The following EPC1 variants were observed in gnomAD, a reference collection of about 807,000 sequenced individuals.
The protein encoded by EPC1 is enhancer of polycomb homolog 1.
A neutral mutation model predicts 98.4 loss-of-function variants in EPC1; 12 were observed. The observed-to-expected ratio is 0.12, with a 90% CI of 0.08 to 0.20. The LOEUF (loss-of-function observed/expected upper bound fraction) is 0.20. Among genes scored for constraint, EPC1 ranks in the 10% least tolerant of loss-of-function variants. The probability of loss-of-function intolerance (pLI) is 1.00; values close to 1 mark genes in which losing one functional copy is unlikely to be tolerated. For synonymous variants in EPC1, 357 were observed against 363.9 expected (o/e 0.98, Z 0.21); for missense variants, 729 against 990.5 (o/e 0.74, Z 3.54).
At chr10:32,317,461 G>A (rs1307378668) in intron 1 of EPC1, among the ~76,000 whole-genome samples, 2 of 151,520 alleles carry the variant, frequency 1.3e-5, no homozygotes, top group African/African-American at 4.8e-5. Flanking sequence ...GACCAACATA[G>A]GGAAACCCTG....
intron 1 of EPC1, among the ~76,000 whole-genome samples, chr10:32,342,488 G>C (rs1433431252): frequency 6.6e-6 from 1 of 152,098 alleles, no homozygotes; most frequent in Non-Finnish European, 1.5e-5. Context: ...CTTAACTTGG[G>C]CTTAGTAACA....
chr10:32,293,551 T>G (rs552904414), intron 3 of EPC1, 41 bp downstream of exon 3: 1 of 1,571,714 alleles, frequency 6.4e-7, no homozygotes, highest in Admixed American at 1.8e-5. Flanking sequence ...GTTCTTTACA[T>G]AGAATATGTA....
intron 10 of EPC1, among the ~76,000 whole-genome samples, chr10:32,276,583 AT>A (rs745958081): frequency 1.3e-5 from 2 of 152,232 alleles, no homozygotes; most frequent in Non-Finnish European, 2.9e-5. Context: ...CTCTTCAGCT[AT>A]GAGATGCTAA....
chr10:32,377,531 C>T (rs1839894423), intron 1 of EPC1: 1 of 152,166 alleles, frequency 6.6e-6, no homozygotes, highest in African/African-American at 2.4e-5. Context: ...ATGCCTGTCC[C>T]TGATGTTCCC....
chr10:32,347,556 G>C (rs1180594929), upstream of EPC1: 13 of 152,118 alleles, frequency 8.5e-5, no homozygotes, highest in East Asian at 2.5e-3. Flanking sequence ...TCGGGCCCCG[G>C]GCACCTGGGG....
chr10:32,289,436 C>G (rs1836875440), intron 6 of EPC1, among the ~76,000 whole-genome samples: 2 of 141,392 alleles, frequency 1.4e-5, no homozygotes, highest in South Asian at 4.7e-4. Flanking sequence ...AAAAAAAGTC[C>G]AGGCTGGGGA....
At chr10:32,295,922 TTC>T (rs1309390066) in intron 2 of EPC1, among the ~76,000 whole-genome samples, 1 of 150,922 alleles carries the variant, frequency 6.6e-6, no homozygotes. Flanking sequence ...GTTCTCAATG[TTC>T]TTTTTTTTTT....
At chr10:32,283,949 A>G (rs1836533856) in intron 10 of EPC1, 1 of 152,184 alleles carries the variant, frequency 6.6e-6, no homozygotes, top group Admixed American at 6.5e-5. Flanking sequence ...TTATGAAGCA[A>G]CTTAACTATA....
chr10:32,343,458 G>A (rs1472680668), intron 1 of EPC1, among the ~76,000 whole-genome samples: 3 of 152,132 alleles, frequency 2.0e-5, no homozygotes, highest in Non-Finnish European at 4.4e-5. Flanking sequence ...TGATCCACCC[G>A]CCTCGGCCTC....
chr10:32,293,479 T>A, intron 3 of EPC1, 113 bp downstream of exon 3: 1 of 1,004,310 alleles, frequency 1.0e-6, no homozygotes, highest in Non-Finnish European at 1.4e-6. Context: ...TCATACTTTT[T>A]AACTCTAAAG....
intron 1 of EPC1, among the ~76,000 whole-genome samples, chr10:32,368,558 G>A (rs560925453): frequency 6.6e-6 from 1 of 152,022 alleles, no homozygotes; most frequent in African/African-American, 2.4e-5. Flanking sequence ...TTTTGTTTTG[G>A]TTTGGTTTTT....
At chr10:32,301,157 T>C (rs1055191020) in intron 2 of EPC1, among the ~76,000 whole-genome samples, 2 of 152,092 alleles carry the variant, frequency 1.3e-5, no homozygotes, top group African/African-American at 4.8e-5. Context: ...TATAAAAATA[T>C]ACACATTGAC....
intron 2 of EPC1, among the ~76,000 whole-genome samples, chr10:32,299,022 C>G (rs1464422398): frequency 6.6e-6 from 1 of 152,172 alleles, no homozygotes; most frequent in Non-Finnish European, 1.5e-5. Flanking sequence ...ACAAGGAACA[C>G]CTGCATACTC....
intron 1 of EPC1, among the ~76,000 whole-genome samples, chr10:32,339,508 G>C (rs932763672): frequency 1.2e-4 from 18 of 151,994 alleles, no homozygotes; most frequent in Non-Finnish European, 2.5e-4. Flanking sequence ...TCATGCCACT[G>C]CACTCCAGCC....
At chr10:32,348,232 T>G (rs1838983691), upstream of EPC1, among the ~76,000 whole-genome samples, 1 of 152,214 alleles carries the variant, frequency 6.6e-6, no homozygotes, top group Non-Finnish European at 1.5e-5. Flanking sequence ...CGGTTTATAT[T>G]ACACATGAAA....
In EPC1 at chr10:32,372,188, A is replaced by AC. The variant is rs1220301019; in HGVS notation, c.3+6302dup. Among the ~76,000 whole-genome samples, 6 of 152,258 alleles carry AC rather than the reference A, an allele frequency of 3.9e-5. No homozygotes were observed. In the East Asian group the frequency reaches 7.7e-4, roughly 20 times the overall value. On this transcript the variant is annotated intron_variant, in intron 1 of 13. Transcript: ENST00000375110. ...TAAGAAATGAAAATTCTCATGCCCC[A>AC]CCACAGGCCAGCTGAACCTGTAACT...
chr10:32,341,329 GTC>G (rs1353957376), intron 1 of EPC1, among the ~76,000 whole-genome samples: 1 of 101,852 alleles, frequency 9.8e-6, no homozygotes, highest in Admixed American at 9.8e-5. Context: ...GTGTGTGTGT[GTC>G]TGTGTGTGTG....
intron 10 of EPC1, among the ~76,000 whole-genome samples, chr10:32,278,530 C>T (rs369189150): frequency 2.1e-5 from 3 of 145,840 alleles, no homozygotes; most frequent in Non-Finnish European, 1.5e-5. Context: ...TACAGGCGCC[C>T]GCCACTACGC....
upstream of EPC1, chr10:32,347,595 C>A (rs938112195): frequency 4.6e-5 from 7 of 152,058 alleles, no homozygotes; most frequent in Admixed American, 4.6e-4. Context: ...CTGGGGTGCT[C>A]GCCAGCGGCT....
Sources: allele counts gnomAD v4.1 joint callset (sites outside exome capture counted in the v4.1 genomes callset), GRCh38; gene constraint gnomAD v4.1.1; transcripts MANE v1.5; gene names NCBI Gene and HGNC (gene_info 2026-07-23, HGNC 2026-07-21).